LAMA3: variants seen among roughly 807,000 people sequenced by gnomAD.
LAMA3 encodes the protein laminin subunit alpha-3.
In LAMA3, 281 loss-of-function variants were observed where a neutral mutation model predicts 402.0. The ratio of observed to expected loss-of-function variants is 0.70; its 90% CI spans 0.63 to 0.77. The LOEUF (loss-of-function observed/expected upper bound fraction) is 0.77. LAMA3 is among the 30% of genes least tolerant of loss of function. The probability of loss-of-function intolerance (pLI) is 0.00; values close to 1 mark genes in which losing one functional copy is unlikely to be tolerated. For synonymous variants in LAMA3, 1,431 were observed against 1,558.4 expected, an observed-to-expected ratio of 0.92 and a Z score of 1.93; for missense variants, 3,840 against 4,215.5, an observed-to-expected ratio of 0.91 and a Z score of 2.47.
intron 2 of LAMA3, among the ~76,000 whole-genome samples, chr18:23,717,542 CTTTTTTTTTTTTT>C (rs138974380): frequency 7.7e-5 from 5 of 64,856 alleles, no homozygotes; most frequent in East Asian, 4.5e-4. Flanking sequence ...TGGACTTGAT[CTTTTTTTTTTTTT>C]TTTTTTTTTT....
chr18:23,758,769 C>CT lies in LAMA3; in HGVS notation c.1063+265dup, dbSNP rs1326199664. Among the ~76,000 whole-genome samples, 5 of 152,192 alleles carry CT rather than the reference C, an allele frequency of 3.3e-5. No homozygotes were observed. The East Asian group carries it at 5.8e-4, about 18-fold the overall frequency. On this transcript the variant is annotated intron_variant, in intron 7 of 74. Coordinates refer to ENST00000313654, the MANE Select transcript of LAMA3 (RefSeq NM_198129.4). ...GCTCCGTGCTTTAATACGTTGACCTCTTTTTTTAGCAATCATAAATATGAT... is the reference window on the plus strand; with the variant it reads ...GCTCCGTGCTTTAATACGTTGACCTCTTTTTTTTAGCAATCATAAATATGAT...
chr18:23,940,574 C>T (rs1428534519), intron 68 of LAMA3, among the ~76,000 whole-genome samples: 1 of 152,090 alleles, frequency 6.6e-6, no homozygotes, highest in Admixed American at 6.5e-5. Flanking sequence ...TAAATGGGCT[C>T]GATGATGCTT....
chr18:23,895,193 A>G (rs945316481), intron 44 of LAMA3, 135 bp downstream of exon 44: 14 of 1,007,254 alleles, frequency 1.4e-5, no homozygotes, highest in Admixed American at 6.2e-5. Context: ...CCAAATGAAG[A>G]TAAGACTTTT....
At chr18:23,837,570 GATAT>G (rs56179962) in intron 25 of LAMA3, among the ~76,000 whole-genome samples, 3,242 of 83,298 alleles carry the variant, frequency 0.039, 208 homozygotes, top group African/African-American at 0.14. Flanking sequence ...CAGTTAATCA[GATAT>G]ATATATATAT....
rs1051150 is a variant in LAMA3, at chr18:23,954,739, C to T, written c.*91C>T. 0.6 allele frequency: 807,959 copies of T among 1,338,640 alleles called. 259,370 individuals carry two copies. Among genetic ancestry groups the T allele is most frequent in the Non-Finnish European group, 0.68 (629,484 of 932,420 alleles). 82.9% of individuals were successfully genotyped at this position (1,338,640 alleles called of 1,614,324 possible). On this transcript the variant is annotated 3_prime_UTR_variant, in exon 75 of 75. Coordinates refer to ENST00000313654, the MANE Select transcript of LAMA3 (RefSeq NM_198129.4). ...CCCCAGCTCGAGATCATTCTTCACT[C>T]AGGACACAAACCAGACAGGTTTAAT... is the stretch of plus-strand genomic sequence containing the variant.
At chr18:23,942,306 T>C (rs1399363504) in intron 68 of LAMA3, among the ~76,000 whole-genome samples, 1 of 152,184 alleles carries the variant, frequency 6.6e-6, no homozygotes, top group Non-Finnish European at 1.5e-5. Context: ...GGACAGCCTG[T>C]TGACATCTGC....
At chr18:23,882,715 A>G (rs764663909) in intron 40 of LAMA3, among the ~76,000 whole-genome samples, 18 of 152,022 alleles carry the variant, frequency 1.2e-4, no homozygotes, top group Non-Finnish European at 1.9e-4. Flanking sequence ...GTGGCTAAGC[A>G]GCTACTTTTC....
chr18:23,843,186 T>C (rs1221015100), intron 29 of LAMA3, among the ~76,000 whole-genome samples: 1 of 152,136 alleles, frequency 6.6e-6, no homozygotes, highest in East Asian at 1.9e-4. Flanking sequence ...CTTGGATACA[T>C]CTTCCGTGCC....
chr18:23,768,811 A>G (rs2062133402), intron 8 of LAMA3, among the ~76,000 whole-genome samples: 1 of 152,234 alleles, frequency 6.6e-6, no homozygotes, highest in Non-Finnish European at 1.5e-5. Flanking sequence ...ACAGACATAA[A>G]AAAGAATGAA....
chr18:23,748,863 G>A (rs374242149), intron 3 of LAMA3, among the ~76,000 whole-genome samples: 2 of 151,912 alleles, frequency 1.3e-5, no homozygotes, highest in African/African-American at 4.8e-5. Context: ...GATACTACAT[G>A]CAGAAATGAA....
chr18:23,763,635 T>C, intron 8 of LAMA3, 112 bp downstream of exon 8: 1 of 786,036 alleles, frequency 1.3e-6, no homozygotes, highest in Non-Finnish European at 2.3e-6. Context: ...AAGAGTTTTC[T>C]GAGACCATTT....
chr18:23,750,264 A>G (rs2061722245), intron 4 of LAMA3, among the ~76,000 whole-genome samples: 1 of 152,186 alleles, frequency 6.6e-6, no homozygotes, highest in African/African-American at 2.4e-5. Flanking sequence ...CTGAGTTTCA[A>G]ATAAACTTCC....
intron 2 of LAMA3, among the ~76,000 whole-genome samples, chr18:23,724,931 G>C (rs1027863605): frequency 1.3e-5 from 2 of 151,966 alleles, no homozygotes; most frequent in African/African-American, 4.8e-5. Flanking sequence ...CAGCCTTCCT[G>C]CACCACCAAA....
intron 56 of LAMA3, among the ~76,000 whole-genome samples, chr18:23,913,606 C>T (rs2081509827): frequency 6.6e-6 from 1 of 152,190 alleles, no homozygotes; most frequent in Non-Finnish European, 1.5e-5. Flanking sequence ...ATATGGTTCT[C>T]AAAAATTCTG....
At chr18:23,943,038 A>G (rs913708683) in intron 68 of LAMA3, among the ~76,000 whole-genome samples, 1 of 152,216 alleles carries the variant, frequency 6.6e-6, no homozygotes, top group African/African-American at 2.4e-5. Context: ...AACAGAAAGG[A>G]AAGGCTTCTT....
intron 1 of LAMA3, among the ~76,000 whole-genome samples, chr18:23,691,847 C>A (rs2060594082): frequency 6.6e-6 from 1 of 152,192 alleles, no homozygotes; most frequent in Non-Finnish European, 1.5e-5. Context: ...GCTGGGATTA[C>A]AGGCATGAGC....
chr18:23,723,865 C>G (rs964008618), intron 2 of LAMA3, among the ~76,000 whole-genome samples: 3 of 151,988 alleles, frequency 2.0e-5, no homozygotes, highest in African/African-American at 7.3e-5. Flanking sequence ...GTTACCTATA[C>G]TATCTGTATT....
At chr18:23,880,442 G>C (rs1445078028) in intron 39 of LAMA3, among the ~76,000 whole-genome samples, 1 of 152,232 alleles carries the variant, frequency 6.6e-6, no homozygotes, top group Non-Finnish European at 1.5e-5. Flanking sequence ...TCAAAGGTTA[G>C]TGAAGGATGG....
intron 2 of LAMA3, among the ~76,000 whole-genome samples, chr18:23,716,645 ACAT>A (rs2061105626): frequency 6.6e-6 from 1 of 152,172 alleles, no homozygotes; most frequent in Non-Finnish European, 1.5e-5. Flanking sequence ...AATTAAGAAA[ACAT>A]CAACATAGGA....
Sources: allele counts gnomAD v4.1 joint callset (sites outside exome capture counted in the v4.1 genomes callset), GRCh38; gene constraint gnomAD v4.1.1; transcripts MANE v1.5; gene names NCBI Gene and HGNC (gene_info 2026-07-23, HGNC 2026-07-21).